The following ANGPT1 variants were observed in gnomAD, a reference collection of about 807,000 sequenced individuals.
ANGPT1 encodes the protein angiopoietin 1, also known as angiopoietin-1.
In ANGPT1, 17 loss-of-function variants were observed where a neutral mutation model predicts 62.2. The observed-to-expected ratio is 0.27, with a 90% confidence interval of 0.19 to 0.41. ANGPT1 has a LOEUF of 0.41. ANGPT1 is among the 10% of genes least tolerant of loss of function. The pLI is 1.00. For missense variants in ANGPT1, 478 were observed against 594.9 expected, an observed-to-expected ratio of 0.80 and a Z score of 2.04; for synonymous variants, 199 against 198.9, an observed-to-expected ratio of 1.00 and a Z score of 0.00.
At chr8:107,485,506 G>T (rs906720268) in intron 1 of ANGPT1, among the ~76,000 whole-genome samples, 3 of 152,092 alleles carry the variant, frequency 2.0e-5, no homozygotes, top group Admixed American at 6.6e-5. Flanking sequence ...GAGTGGCCAG[G>T]CCTCCAAGAT....
intron 7 of ANGPT1, chr8:107,283,848 C>T (rs1303381747): frequency 2.0e-5 from 3 of 152,134 alleles, no homozygotes; most frequent in African/African-American, 7.2e-5. Context: ...AAAATATCTT[C>T]CCTGTTCCCA....
intron 7 of ANGPT1, among the ~76,000 whole-genome samples, chr8:107,270,335 T>C (rs1813708823): frequency 6.6e-6 from 1 of 152,086 alleles, no homozygotes; most frequent in African/African-American, 2.4e-5. Context: ...AGGTCGTAGG[T>C]ACTGACAAGC....
At chr8:107,389,391 T>C (rs1260937369) in intron 1 of ANGPT1, among the ~76,000 whole-genome samples, 3 of 152,194 alleles carry the variant, frequency 2.0e-5, no homozygotes, top group South Asian at 2.1e-4. Context: ...AAAGTTAGAT[T>C]AGCCTGGGAA....
intron 1 of ANGPT1, among the ~76,000 whole-genome samples, chr8:107,451,436 T>C (rs560465565): frequency 6.6e-4 from 101 of 151,966 alleles, no homozygotes; most frequent in African/African-American, 2.3e-3. Context: ...TTAATAGATA[T>C]TGAGGTTAAT....
chr8:107,460,199 A>G (rs1286271597), intron 1 of ANGPT1, among the ~76,000 whole-genome samples: 1 of 152,186 alleles, frequency 6.6e-6, no homozygotes, highest in East Asian at 1.9e-4. Flanking sequence ...TAAAGTATTT[A>G]CTTCTAATTC....
intron 1 of ANGPT1, among the ~76,000 whole-genome samples, chr8:107,413,350 C>A (rs540654995): frequency 2.1e-4 from 32 of 152,170 alleles, no homozygotes; most frequent in African/African-American, 7.5e-4. Flanking sequence ...AGCCTTCCTG[C>A]CTCGAATCTT....
At chr8:107,316,622 C>T (rs962472019) in intron 4 of ANGPT1, among the ~76,000 whole-genome samples, 1 of 152,114 alleles carries the variant, frequency 6.6e-6, no homozygotes, top group African/African-American at 2.4e-5. Context: ...TTTTGTAAAA[C>T]ACAAATATCA....
At chr8:107,422,607 T>C (rs1472875982) in intron 1 of ANGPT1, among the ~76,000 whole-genome samples, 4 of 152,156 alleles carry the variant, frequency 2.6e-5, no homozygotes, top group Non-Finnish European at 5.9e-5. Context: ...TCAAAGTTTT[T>C]AACATAATCG....
chr8:107,414,268 A>G (rs953368259), intron 1 of ANGPT1, among the ~76,000 whole-genome samples: 2 of 152,158 alleles, frequency 1.3e-5, no homozygotes, highest in Admixed American at 6.5e-5. Context: ...CAGAGATTTA[A>G]AAGTAGGCTA....
At chr8:107,349,821 A>AGCT (rs1815894457) in intron 1 of ANGPT1, among the ~76,000 whole-genome samples, 1 of 152,124 alleles carries the variant, frequency 6.6e-6, no homozygotes, top group East Asian at 1.9e-4. Context: ...GTTCATCAAA[A>AGCT]CTACATGGGG....
chr8:107,302,278 T>C (rs759505344), intron 5 of ANGPT1, among the ~76,000 whole-genome samples: 3 of 151,816 alleles, frequency 2.0e-5, no homozygotes, highest in Non-Finnish European at 4.4e-5. Flanking sequence ...ACAAGTAATT[T>C]AGGTGGGGGC....
chr8:107,251,430 C>T lies in ANGPT1; in HGVS notation c.*425G>A, dbSNP rs994393567. On this transcript the variant is annotated 3_prime_UTR_variant, in exon 9 of 9. Coordinates refer to ENST00000517746, the MANE Select transcript of ANGPT1 (RefSeq NM_001146.5). ...ATAACACCTTTTCACTGGTATAATA[C>T]ATCTTTTCCAAAGGATTATGGCAGG... The T allele has an allele frequency of 4.9e-5, 8 of 164,660 alleles. No homozygotes were observed. Among genetic ancestry groups the T allele is most frequent in the African/African-American group, 1.9e-4 (8 of 41,646 alleles). The allele number at this position is 164,660 out of a possible 1,614,324, so 10.2% of individuals were successfully genotyped here.
intron 7 of ANGPT1, among the ~76,000 whole-genome samples, chr8:107,274,500 A>G (rs1396602565): frequency 6.6e-6 from 1 of 152,210 alleles, no homozygotes; most frequent in Non-Finnish European, 1.5e-5. Context: ...AGCAATATAG[A>G]AATTCTTGCA....
chr8:107,452,535 G>C (rs929938619), intron 1 of ANGPT1, among the ~76,000 whole-genome samples: 1 of 150,812 alleles, frequency 6.6e-6, no homozygotes, highest in Non-Finnish European at 1.5e-5. Context: ...AGATATGCAT[G>C]GCTAAAATTT....
chr8:107,289,335 T>C (rs1047021839), intron 6 of ANGPT1, among the ~76,000 whole-genome samples: 3 of 152,156 alleles, frequency 2.0e-5, no homozygotes, highest in Admixed American at 2.0e-4. Context: ...CTTTTCCAAG[T>C]TAATAAAATA....
chr8:107,351,647 G>A (rs1234724874), intron 1 of ANGPT1, among the ~76,000 whole-genome samples: 1 of 151,830 alleles, frequency 6.6e-6, no homozygotes, highest in Non-Finnish European at 1.5e-5. Flanking sequence ...CTTTCACTTG[G>A]TTTCACTATA....
At chr8:107,485,053 T>A (rs1324380819) in intron 1 of ANGPT1, among the ~76,000 whole-genome samples, 2 of 152,154 alleles carry the variant, frequency 1.3e-5, no homozygotes, top group African/African-American at 4.8e-5. Flanking sequence ...TTCCTGCACA[T>A]TGGGGAAAGG....
chr8:107,269,680 A>T (rs994782645), intron 7 of ANGPT1, among the ~76,000 whole-genome samples: 1 of 152,032 alleles, frequency 6.6e-6, no homozygotes, highest in African/African-American at 2.4e-5. Flanking sequence ...CCAGAAAAAA[A>T]CATTAGGGAC....
intron 1 of ANGPT1, among the ~76,000 whole-genome samples, chr8:107,475,321 A>G (rs1450922427): frequency 2.0e-5 from 3 of 152,200 alleles, no homozygotes; most frequent in Non-Finnish European, 4.4e-5. Flanking sequence ...CCTGACAAAA[A>G]CAAGAAATAG....
Sources: allele counts gnomAD v4.1 joint callset (sites outside exome capture counted in the v4.1 genomes callset), GRCh38; gene constraint gnomAD v4.1.1; transcripts MANE v1.5; gene names NCBI Gene and HGNC (gene_info 2026-07-23, HGNC 2026-07-21).